Variants in TAFA5 observed in about 807,000 individuals in gnomAD.
TAFA5 encodes TAFA chemokine like family member 5.
Under a neutral mutation model 15.3 loss-of-function variants are expected in TAFA5, and 6 were observed. The ratio of observed to expected loss-of-function variants is 0.39; its 90% CI spans 0.21 to 0.77. The LOEUF is 0.77. Among genes scored for constraint, TAFA5 ranks in the 30% least tolerant of loss-of-function variants. The pLI, the probability that TAFA5 is intolerant of heterozygous loss-of-function variation, is 0.41. For missense variants in TAFA5, 161 were observed against 193.1 expected (o/e 0.83, Z 0.98); for synonymous variants, 103 against 80.7 (o/e 1.28, Z -1.48).
chr22:48,748,124 A>T (rs1267783301), intron 3 of TAFA5, among the ~76,000 whole-genome samples: 1 of 152,154 alleles, frequency 6.6e-6, no homozygotes, highest in Non-Finnish European at 1.5e-5. Flanking sequence ...GTCACTCCTG[A>T]TGGAAAGGCT....
intron 1 of TAFA5, among the ~76,000 whole-genome samples, chr22:48,641,251 C>A (rs1016316485): frequency 2.6e-5 from 4 of 152,254 alleles, no homozygotes; most frequent in African/African-American, 9.6e-5. Context: ...CACATTCTTT[C>A]CACAGAAGGG....
chr22:48,659,381 C>T (rs1009254628), intron 2 of TAFA5, among the ~76,000 whole-genome samples: 4 of 152,232 alleles, frequency 2.6e-5, no homozygotes, highest in African/African-American at 9.6e-5. Flanking sequence ...AGGCTGAGTC[C>T]AAGACAGGAG....
intron 1 of TAFA5, among the ~76,000 whole-genome samples, chr22:48,643,922 A>G (rs1160324273): frequency 6.6e-6 from 1 of 152,226 alleles, no homozygotes; most frequent in African/African-American, 2.4e-5. Flanking sequence ...AGCTTAACAC[A>G]GCAGCTGGGG....
intron 1 of TAFA5, among the ~76,000 whole-genome samples, chr22:48,535,962 G>T (rs1922146260): frequency 6.6e-6 from 1 of 152,258 alleles, no homozygotes; most frequent in African/African-American, 2.4e-5. Flanking sequence ...CATTTGCACA[G>T]GCACGCGTAT....
At chr22:48,684,411 A>G (rs1360728609) in intron 2 of TAFA5, among the ~76,000 whole-genome samples, 1 of 151,934 alleles carries the variant, frequency 6.6e-6, no homozygotes, top group Non-Finnish European at 1.5e-5. Context: ...GTGACTCAGA[A>G]CTCCCAGCAG....
chr22:48,508,208 C>A (rs897856175), intron 1 of TAFA5, among the ~76,000 whole-genome samples: 1 of 152,186 alleles, frequency 6.6e-6, no homozygotes, highest in Admixed American at 6.5e-5. Flanking sequence ...CTGCACCTCA[C>A]AGAAGCCATG....
chr22:48,585,616 ACAC>A (rs1232836767), intron 1 of TAFA5, among the ~76,000 whole-genome samples: 1 of 151,214 alleles, frequency 6.6e-6, no homozygotes, highest in Non-Finnish European at 1.5e-5. Context: ...ACAACAAAAT[ACAC>A]CACACACACT....
At chr22:48,725,800 A>C (rs1929698908) in intron 3 of TAFA5, among the ~76,000 whole-genome samples, 1 of 152,124 alleles carries the variant, frequency 6.6e-6, no homozygotes, top group African/African-American at 2.4e-5. Context: ...ACAGAGGATG[A>C]ATATCTAACT....
intron 1 of TAFA5, among the ~76,000 whole-genome samples, chr22:48,605,539 T>C (rs922996219): frequency 1.3e-5 from 2 of 151,964 alleles, no homozygotes; most frequent in African/African-American, 4.8e-5. Flanking sequence ...GGCCTACTTT[T>C]TTATGTCTTA....
At chr22:48,615,901 G>C (rs1925586346) in intron 1 of TAFA5, among the ~76,000 whole-genome samples, 1 of 152,224 alleles carries the variant, frequency 6.6e-6, no homozygotes. Context: ...ATGGCCTAAT[G>C]GTTTCCAATC....
chr22:48,705,854 T>G (rs1399469452), intron 2 of TAFA5, among the ~76,000 whole-genome samples: 4 of 152,252 alleles, frequency 2.6e-5, no homozygotes, highest in Non-Finnish European at 5.9e-5. Context: ...GCGAGGAATC[T>G]TGGAAATTTT....
At chr22:48,717,950 C>T (rs940015225) in intron 3 of TAFA5, among the ~76,000 whole-genome samples, 1 of 152,220 alleles carries the variant, frequency 6.6e-6, no homozygotes, top group Non-Finnish European at 1.5e-5. Flanking sequence ...CTGCAAGGCC[C>T]GGGAGCCGTC....
At chr22:48,712,656 T>C (rs981332606) in intron 3 of TAFA5, among the ~76,000 whole-genome samples, 1 of 152,174 alleles carries the variant, frequency 6.6e-6, no homozygotes, top group Non-Finnish European at 1.5e-5. Context: ...GGCTCTACCT[T>C]GTGGACGTCC....
At chr22:48,586,245 C>T (rs981371832) in intron 1 of TAFA5, among the ~76,000 whole-genome samples, 2 of 152,284 alleles carry the variant, frequency 1.3e-5, no homozygotes, top group African/African-American at 2.4e-5. Flanking sequence ...CTCTATGACC[C>T]CAGGCAGAGG....
intron 2 of TAFA5, among the ~76,000 whole-genome samples, chr22:48,671,772 G>C (rs1884346): frequency 0.056 from 8,500 of 152,222 alleles, 303 homozygotes; most frequent in East Asian, 0.14. Flanking sequence ...TGTCCCTGGT[G>C]CCTGTCCCTG....
chr22:48,555,437 G>A lies in TAFA5; in HGVS notation c.112+65733G>A, dbSNP rs535771127. 1.3e-4 allele frequency among the ~76,000 whole-genome samples: 20 copies of A among 152,344 alleles called. No individual in the cohort carries two copies. The East Asian group carries it at 2.1e-3, about 16-fold the overall frequency. ...GGAGGGCGGCTGCTCCCTGATGGAG[G>A]ACGTGGGCTCCCAGCTCATTCCTGT... is the stretch of plus-strand genomic sequence containing the variant. On this transcript the variant is annotated intron_variant, in intron 1 of 3. Coordinates refer to ENST00000402357, the MANE Select transcript of TAFA5 (RefSeq NM_001082967.3).
intron 2 of TAFA5, among the ~76,000 whole-genome samples, chr22:48,648,377 G>A (rs1460793747): frequency 6.6e-6 from 1 of 152,204 alleles, no homozygotes; most frequent in African/African-American, 2.4e-5. Context: ...CCAGGAGCCT[G>A]ACGTGGGCAG....
intron 1 of TAFA5, among the ~76,000 whole-genome samples, chr22:48,496,968 C>T (rs752131231): frequency 2.0e-5 from 3 of 152,218 alleles, no homozygotes; most frequent in Non-Finnish European, 4.4e-5. Context: ...GGCGCCCCCT[C>T]ACCTCCCAGC....
chr22:48,714,855 C>T (rs1048815555), intron 3 of TAFA5, among the ~76,000 whole-genome samples: 1 of 152,216 alleles, frequency 6.6e-6, no homozygotes, highest in East Asian at 1.9e-4. Context: ...GGGAGGCTCT[C>T]GAGGAGGCCC....
Sources: allele counts gnomAD v4.1 joint callset (sites outside exome capture counted in the v4.1 genomes callset), GRCh38; gene constraint gnomAD v4.1.1; transcripts MANE v1.5; gene names NCBI Gene and HGNC (gene_info 2026-07-23, HGNC 2026-07-21).